Variants in P2RY14 observed in about 807,000 individuals in gnomAD.
P2RY14 encodes the protein P2Y purinoceptor 14.
P2RY14 carries 2 observed loss-of-function variants against 0.9 expected under a neutral mutation model. The observed-to-expected ratio is 2.16, with a 90% CI of 0.88 to 6.79. The LOEUF (loss-of-function observed/expected upper bound fraction) is 6.79, where lower values mean the gene tolerates loss of function less well. Among genes scored for constraint, P2RY14 ranks in the 30% most tolerant of loss-of-function variants. P2RY14 has a pLI of 0.05. For synonymous variants in P2RY14, 158 were observed against 147.2 expected (o/e 1.07, Z -0.53); for missense variants, 378 against 400.1 (o/e 0.94, Z 0.47).
chr3:151,230,126 C>T (rs1046212197), intron 1 of P2RY14, among the ~76,000 whole-genome samples: 2 of 152,078 alleles, frequency 1.3e-5, no homozygotes, highest in Non-Finnish European at 2.9e-5. Flanking sequence ...CCCGCCACCA[C>T]GCCTGGCTAA....
chr3:151,233,647 C>G (rs900911827), intron 1 of P2RY14, among the ~76,000 whole-genome samples: 4 of 152,168 alleles, frequency 2.6e-5, no homozygotes, highest in Non-Finnish European at 1.5e-5. Flanking sequence ...GCAGGAGAAT[C>G]ACTTGAACCC....
chr3:151,240,942 C>T (rs1232714210), intron 1 of P2RY14, among the ~76,000 whole-genome samples: 2 of 152,158 alleles, frequency 1.3e-5, no homozygotes, highest in African/African-American at 4.8e-5. Flanking sequence ...CTCTCTAGAA[C>T]CCTATTTGCT....
At chr3:151,217,699 A>G (rs1220916099) in intron 2 of P2RY14, among the ~76,000 whole-genome samples, 2 of 152,200 alleles carry the variant, frequency 1.3e-5, no homozygotes, top group East Asian at 3.8e-4. Flanking sequence ...AGATTTCTTC[A>G]TCTTAAAGGA....
At chr3:151,272,460 C>G (rs990554430) in intron 1 of P2RY14, among the ~76,000 whole-genome samples, 10 of 152,174 alleles carry the variant, frequency 6.6e-5, no homozygotes, top group Non-Finnish European at 2.9e-5. Flanking sequence ...CTTCTGTTCT[C>G]CAGGTGCACC....
At chr3:151,238,965 A>G (rs1273171965) in intron 1 of P2RY14, among the ~76,000 whole-genome samples, 1 of 152,202 alleles carries the variant, frequency 6.6e-6, no homozygotes, top group Non-Finnish European at 1.5e-5. Context: ...CATTTTCTCA[A>G]AACTGAATGA....
chr3:151,254,873 T>C (rs976173828), intron 1 of P2RY14, among the ~76,000 whole-genome samples: 8 of 152,220 alleles, frequency 5.3e-5, no homozygotes, highest in Non-Finnish European at 7.3e-5. Context: ...ATACATGATA[T>C]ATATACACAC....
chr3:151,248,083 A>G (rs1261890141), intron 1 of P2RY14, among the ~76,000 whole-genome samples: 1 of 151,284 alleles, frequency 6.6e-6, no homozygotes, highest in Admixed American at 6.6e-5. Flanking sequence ...TAATTTATAG[A>G]AAAACTACAC....
intron 1 of P2RY14, among the ~76,000 whole-genome samples, chr3:151,268,593 T>C (rs1480548315): frequency 6.6e-6 from 1 of 152,232 alleles, no homozygotes; most frequent in East Asian, 1.9e-4. Context: ...TTTCAAATTT[T>C]GTCTAATTTG....
intron 1 of P2RY14, among the ~76,000 whole-genome samples, chr3:151,221,140 G>A (rs1461770217): frequency 2.6e-5 from 4 of 152,144 alleles, no homozygotes; most frequent in Non-Finnish European, 4.4e-5. Context: ...AGAGATTCGT[G>A]GAACTTTGAA....
At chr3:151,234,014 G>A (rs556060521) in intron 1 of P2RY14, among the ~76,000 whole-genome samples, 1 of 152,316 alleles carries the variant, frequency 6.6e-6, no homozygotes, top group South Asian at 2.1e-4. Context: ...CTTTGGAAAG[G>A]GAATTGGAAA....
At chr3:151,272,362 T>C (rs1378737735) in intron 1 of P2RY14, among the ~76,000 whole-genome samples, 1 of 152,226 alleles carries the variant, frequency 6.6e-6, no homozygotes, top group Non-Finnish European at 1.5e-5. Context: ...GTTTTTCTAC[T>C]CAGTATATCA....
intron 1 of P2RY14, among the ~76,000 whole-genome samples, chr3:151,236,680 G>T (rs761079512): frequency 6.6e-6 from 1 of 152,226 alleles, no homozygotes; most frequent in East Asian, 1.9e-4. Flanking sequence ...CTAAAAGTGT[G>T]TGTGAATGAA....
chr3:151,269,876 G>C (rs1433728968), intron 1 of P2RY14: 4 of 460,560 alleles, frequency 8.7e-6, no homozygotes, highest in Non-Finnish European at 1.7e-5. Context: ...CGAAGAACCA[G>C]AGAGCTTCTT....
intron 1 of P2RY14, among the ~76,000 whole-genome samples, chr3:151,270,604 C>G (rs1457545479): frequency 6.6e-6 from 1 of 152,096 alleles, no homozygotes; most frequent in African/African-American, 2.4e-5. Context: ...CAACATGTAT[C>G]TGTCTACTTT....
intron 1 of P2RY14, among the ~76,000 whole-genome samples, chr3:151,265,840 T>C (rs1448091427): frequency 6.6e-6 from 1 of 152,150 alleles, no homozygotes; most frequent in South Asian, 2.1e-4. Context: ...AGAACACCTA[T>C]GAAATTGGAA....
At chr3:151,260,751 C>T (rs943509043) in intron 1 of P2RY14, among the ~76,000 whole-genome samples, 9 of 152,230 alleles carry the variant, frequency 5.9e-5, no homozygotes, top group Admixed American at 5.2e-4. Context: ...GTATTTGGAC[C>T]TAGTCTTTAA....
At chr3:151,255,533 G>A (rs900315660) in intron 1 of P2RY14, among the ~76,000 whole-genome samples, 6 of 152,122 alleles carry the variant, frequency 3.9e-5, no homozygotes, top group African/African-American at 1.4e-4. Context: ...AGGAGGGTCT[G>A]TGCTGCTATG....
chr3:151,269,804 G>C, intron 1 of P2RY14: 1 of 422,026 alleles, frequency 2.4e-6, no homozygotes, highest in South Asian at 1.8e-5. Flanking sequence ...TGCAAATCTG[G>C]AAAGGATATA....
chr3:151,269,783 C>T, intron 1 of P2RY14: 1 of 420,244 alleles, frequency 2.4e-6, no homozygotes, highest in Non-Finnish European at 4.7e-6. Flanking sequence ...TTAGAGTCCA[C>T]TGAAGTCAAA....
Sources: gnomAD v4.1 joint callset for allele counts (sites outside exome capture counted in the v4.1 genomes callset) on GRCh38, gnomAD v4.1.1 for gene constraint, MANE v1.5 for transcripts, NCBI Gene and HGNC (gene_info 2026-07-23, HGNC 2026-07-21) for gene names.